Variants in TENM4 observed in about 807,000 individuals in gnomAD.
The protein encoded by TENM4 is teneurin transmembrane protein 4, also known as teneurin-4.
TENM4 carries 82 observed loss-of-function variants against 243.3 expected under a neutral mutation model. The observed-to-expected ratio is 0.34, with a 90% CI of 0.28 to 0.40. TENM4 has a LOEUF of 0.40. Among genes scored for constraint, TENM4 ranks in the 10% least tolerant of loss-of-function variants. TENM4 has a pLI of 1.00. For synonymous variants in TENM4, 1,412 were observed against 1,456.3 expected (o/e 0.97, Z 0.69); for missense variants, 3,138 against 3,673.3 (o/e 0.85, Z 3.77).
chr11:78,984,989 G>C (rs907208192), intron 6 of TENM4, among the ~76,000 whole-genome samples: 1 of 152,122 alleles, frequency 6.6e-6, no homozygotes, highest in Non-Finnish European at 1.5e-5. Flanking sequence ...AGCATGTCAA[G>C]GGCGGAATCC....
At chr11:79,352,485 C>T (rs1857430073) in intron 1 of TENM4, among the ~76,000 whole-genome samples, 1 of 152,240 alleles carries the variant, frequency 6.6e-6, no homozygotes, top group Admixed American at 6.5e-5. Context: ...CCTCACACCA[C>T]TGCCTGGGTG....
chr11:79,411,188 A>C (rs368675457), intron 1 of TENM4, among the ~76,000 whole-genome samples: 173 of 152,238 alleles, frequency 1.1e-3, no homozygotes, highest in African/African-American at 3.9e-3. Flanking sequence ...TGAACCCTTG[A>C]TCTTCCCCAG....
intron 20 of TENM4, among the ~76,000 whole-genome samples, chr11:78,732,920 G>T (rs1355693803): frequency 6.6e-6 from 1 of 152,218 alleles, no homozygotes; most frequent in Non-Finnish European, 1.5e-5. Flanking sequence ...TGAAAAGTCA[G>T]TGAATAAAGT....
intron 6 of TENM4, among the ~76,000 whole-genome samples, chr11:79,041,504 AAAAAT>A (rs796489655): frequency 0.013 from 2,000 of 151,992 alleles, 53 homozygotes; most frequent in African/African-American, 0.047. Context: ...CAAAAAAAAA[AAAAAT>A]CGAAGAAACA....
intron 6 of TENM4, among the ~76,000 whole-genome samples, chr11:79,059,509 C>T (rs759389410): frequency 5.9e-5 from 9 of 152,186 alleles, no homozygotes; most frequent in African/African-American, 1.9e-4. Flanking sequence ...ACAGACCTGA[C>T]GCTTCACAAA....
intron 3 of TENM4, among the ~76,000 whole-genome samples, chr11:79,194,587 T>A (rs537965963): frequency 6.6e-6 from 1 of 152,280 alleles, no homozygotes; most frequent in African/African-American, 2.4e-5. Flanking sequence ...TGGAATCATA[T>A]TGCCCCTGCC....
intron 2 of TENM4, among the ~76,000 whole-genome samples, chr11:79,285,435 G>A (rs1477665732): frequency 6.6e-6 from 1 of 152,148 alleles, no homozygotes; most frequent in Non-Finnish European, 1.5e-5. Flanking sequence ...AGCTATATTT[G>A]AAAATAGGTT....
intron 6 of TENM4, among the ~76,000 whole-genome samples, chr11:78,983,802 G>A (rs1329595018): frequency 6.7e-6 from 1 of 150,240 alleles, no homozygotes; most frequent in African/African-American, 2.4e-5. Context: ...GGGGCTGGGT[G>A]GGCTCAGTGG....
chr11:78,956,645 A>T (rs1857212237), intron 6 of TENM4, among the ~76,000 whole-genome samples: 2 of 152,152 alleles, frequency 1.3e-5, no homozygotes, highest in South Asian at 4.1e-4. Flanking sequence ...AGTCTTTCTG[A>T]GCTCCGCTTC....
intron 4 of TENM4, among the ~76,000 whole-genome samples, chr11:79,111,450 C>G (rs1193174091): frequency 1.3e-5 from 2 of 152,076 alleles, no homozygotes; most frequent in Non-Finnish European, 1.5e-5. Flanking sequence ...GAGGCTGAGG[C>G]AGGAGAATGG....
At chr11:78,845,089 C>T (rs1858359166) in intron 12 of TENM4, among the ~76,000 whole-genome samples, 1 of 152,196 alleles carries the variant, frequency 6.6e-6, no homozygotes, top group Non-Finnish European at 1.5e-5. Flanking sequence ...GCCCTCCTCT[C>T]TGCTCCCATG....
intron 30 of TENM4, among the ~76,000 whole-genome samples, chr11:78,675,029 C>T (rs538051436): frequency 2.6e-4 from 39 of 152,146 alleles, no homozygotes; most frequent in African/African-American, 9.2e-4. Flanking sequence ...TCATACCCAG[C>T]TAATTTTTTG....
intron 17 of TENM4, among the ~76,000 whole-genome samples, chr11:78,774,422 C>A (rs964798010): frequency 3.3e-5 from 5 of 152,134 alleles, no homozygotes; most frequent in African/African-American, 1.2e-4. Flanking sequence ...CAGTGGGAGG[C>A]GGCATGATGG....
chr11:78,902,204 C>T (rs1459399295), intron 7 of TENM4, among the ~76,000 whole-genome samples: 1 of 152,190 alleles, frequency 6.6e-6, no homozygotes, highest in East Asian at 1.9e-4. Flanking sequence ...AGGCTATGCT[C>T]CCAAAGTCAA....
intron 3 of TENM4, among the ~76,000 whole-genome samples, chr11:79,211,903 G>GAA (rs1863963154): frequency 6.6e-6 from 1 of 152,168 alleles, no homozygotes. Context: ...AGGAAGGCAG[G>GAA]GGAGGACAAG....
intron 6 of TENM4, among the ~76,000 whole-genome samples, chr11:78,965,911 T>A (rs954776140): frequency 2.6e-5 from 4 of 152,238 alleles, no homozygotes; most frequent in African/African-American, 9.6e-5. Flanking sequence ...ACAGAACTAT[T>A]TCCTAAGATG....
intron 2 of TENM4, among the ~76,000 whole-genome samples, chr11:79,257,267 G>A (rs111381543): frequency 1.3e-5 from 2 of 152,076 alleles, no homozygotes; most frequent in Admixed American, 6.6e-5. Flanking sequence ...TGTCCCAAAG[G>A]GTTGTTATGC....
Position 78,854,194 on chromosome 11 carries a change from T to C in TENM4, c.1591A>G (p.Ile531Val). The C allele has an allele frequency of 1.3e-6, 2 of 1,551,706 alleles. No individual in the cohort carries two copies. Among genetic ancestry groups the C allele is most frequent in the South Asian group, 1.2e-5 (1 of 84,022 alleles). The change falls in exon 12 of 34, where the codon ATC (isoleucine) becomes GTC (valine). Residue 531 changes from isoleucine (I) to valine (V), a missense_variant. Ile to Val is a conservative substitution (Grantham distance 29). Coordinates refer to ENST00000278550, the MANE Select transcript of TENM4 (RefSeq NM_001098816.3). ...CAGATTCCTGAATCCAAATACTGGATGAAGCCTGTCTCATGGCTGGAGGGG... is the reference window on the plus strand; with the variant it reads ...CAGATTCCTGAATCCAAATACTGGACGAAGCCTGTCTCATGGCTGGAGGGG... ...VPPSSHETGF[I>V]QYLDSGIWHL...
At chr11:79,029,240 G>A (rs544964047) in intron 6 of TENM4, among the ~76,000 whole-genome samples, 91 of 152,216 alleles carry the variant, frequency 6.0e-4, no homozygotes, top group South Asian at 2.5e-3. Context: ...TCCAGCCTCT[G>A]CTCTTAAGGA....
Sources: allele counts gnomAD v4.1 joint callset (sites outside exome capture counted in the v4.1 genomes callset), GRCh38; gene constraint gnomAD v4.1.1; transcripts MANE v1.5; gene names NCBI Gene and HGNC (gene_info 2026-07-23, HGNC 2026-07-21).